Variants in AGBL4 observed in about 807,000 individuals in gnomAD.
AGBL4 encodes AGBL carboxypeptidase 4.
In AGBL4, 58 loss-of-function variants were observed where a neutral mutation model predicts 66.4. That is an observed-to-expected ratio of 0.87 (90% CI 0.71 to 1.09). The LOEUF is 1.09. AGBL4 is among the 50% of genes least tolerant of loss of function. AGBL4 has a pLI of 0.00. For missense variants in AGBL4, 579 were observed against 631.0 expected (o/e 0.92, Z 0.88); for synonymous variants, 234 against 222.9 (o/e 1.05, Z -0.44).
intron 3 of AGBL4, among the ~76,000 whole-genome samples, chr1:49,377,559 G>C (rs1644497862): frequency 6.6e-6 from 1 of 152,046 alleles, no homozygotes; most frequent in Non-Finnish European, 1.5e-5. Flanking sequence ...ACCATGAAGA[G>C]TCTGATATTT....
At chr1:49,847,021 C>T (rs2148053344) in intron 2 of AGBL4, among the ~76,000 whole-genome samples, 1 of 152,294 alleles carries the variant, frequency 6.6e-6, no homozygotes, top group South Asian at 2.1e-4. Flanking sequence ...TATCTGGCAT[C>T]AAATTACACA....
At chr1:49,282,609 T>C (rs955921643) in intron 3 of AGBL4, among the ~76,000 whole-genome samples, 9 of 152,066 alleles carry the variant, frequency 5.9e-5, no homozygotes, top group African/African-American at 1.7e-4. Context: ...ATCTGAGGTA[T>C]CGGGTTCATC....
intron 5 of AGBL4, among the ~76,000 whole-genome samples, chr1:49,000,724 TAG>T (rs1003784166): frequency 2.0e-5 from 3 of 152,210 alleles, no homozygotes; most frequent in African/African-American, 7.2e-5. Context: ...AAGACAACTC[TAG>T]AGTACCTGAA....
At chr1:48,962,812 G>A (rs6669448) in intron 5 of AGBL4, among the ~76,000 whole-genome samples, 26,083 of 151,686 alleles carry the variant, frequency 0.17, 4,435 homozygotes, top group African/African-American at 0.44. Context: ...TTGAGAATAT[G>A]ATTACTGATT....
At chr1:49,446,249 T>C (rs1570736471) in intron 3 of AGBL4, among the ~76,000 whole-genome samples, 1 of 152,248 alleles carries the variant, frequency 6.6e-6, no homozygotes, top group South Asian at 2.1e-4. Context: ...TCACATTTCC[T>C]TTTTCATGTT....
intron 5 of AGBL4, among the ~76,000 whole-genome samples, chr1:48,896,650 G>A (rs983870374): frequency 8.5e-6 from 1 of 117,050 alleles, no homozygotes; most frequent in African/African-American, 2.9e-5. Context: ...ATGGAGGCAG[G>A]GGATGCAATG....
intron 5 of AGBL4, among the ~76,000 whole-genome samples, chr1:49,015,339 CAG>C: frequency 1.3e-5 from 2 of 151,624 alleles, no homozygotes; most frequent in South Asian, 4.2e-4. Context: ...AAGAAACAAT[CAG>C]AAAGTGGCAA....
chr1:49,655,466 G>A (rs1006733951), intron 3 of AGBL4, among the ~76,000 whole-genome samples: 1 of 152,068 alleles, frequency 6.6e-6, no homozygotes, highest in Admixed American at 6.6e-5. Context: ...TGTATTTCCT[G>A]AATTTGAAGG....
chr1:49,891,443 T>G (rs1375379410), intron 1 of AGBL4, among the ~76,000 whole-genome samples: 1 of 152,012 alleles, frequency 6.6e-6, no homozygotes, highest in Non-Finnish European at 1.5e-5. Flanking sequence ...CTGTAGGAGG[T>G]GCTAGTGGCA....
chr1:49,062,446 C>T (rs1644420080), intron 4 of AGBL4, among the ~76,000 whole-genome samples: 1 of 152,174 alleles, frequency 6.6e-6, no homozygotes, highest in Non-Finnish European at 1.5e-5. Context: ...TATTTGTACA[C>T]CATGAATCCC....
chr1:48,756,263 G>C (rs1202931021), intron 6 of AGBL4, among the ~76,000 whole-genome samples: 1 of 152,220 alleles, frequency 6.6e-6, no homozygotes, highest in Non-Finnish European at 1.5e-5. Context: ...CAGCCTAAAA[G>C]TTGTTTCCTT....
intron 4 of AGBL4, among the ~76,000 whole-genome samples, chr1:49,180,496 TC>T (rs1392438109): frequency 6.6e-6 from 1 of 152,158 alleles, no homozygotes; most frequent in Non-Finnish European, 1.5e-5. Flanking sequence ...TAAATCATCT[TC>T]TGATAGTAAG....
intron 3 of AGBL4, among the ~76,000 whole-genome samples, chr1:49,412,419 C>T (rs1330273495): frequency 1.3e-5 from 2 of 152,224 alleles, no homozygotes; most frequent in Non-Finnish European, 2.9e-5. Flanking sequence ...ACTTAATCAC[C>T]TCCCAAAAGC....
chr1:49,912,201 A>T (rs1371814624), intron 1 of AGBL4, among the ~76,000 whole-genome samples: 1 of 152,120 alleles, frequency 6.6e-6, no homozygotes, highest in East Asian at 1.9e-4. Flanking sequence ...AAACTATCCC[A>T]TCTGTGCAGG....
chr1:49,845,955 T>C (rs1259170629), intron 2 of AGBL4: 12 of 1,539,376 alleles, frequency 7.8e-6, no homozygotes, highest in Admixed American at 3.4e-5. Flanking sequence ...AGCCACAGCT[T>C]GTCCCTCACC....
chr1:49,277,819 T>C (rs1570312664), intron 3 of AGBL4, among the ~76,000 whole-genome samples: 1 of 152,006 alleles, frequency 6.6e-6, no homozygotes, highest in South Asian at 2.1e-4. Context: ...TGCCCAAAGA[T>C]AGGCATTTTC....
At chr1:48,708,753 C>T (rs320051) in intron 6 of AGBL4, among the ~76,000 whole-genome samples, 129,449 of 152,206 alleles carry the variant, frequency 0.85, 57,138 homozygotes, top group East Asian at 0.97. Flanking sequence ...TGAGAGGTAA[C>T]CTGCCACCAC....
rs371028693 is a variant in AGBL4 at position 49,356,649 on chromosome 1, A to C, written c.283-110785T>G. Among the ~76,000 whole-genome samples, 85 of 152,332 alleles carry C rather than the reference A, an allele frequency of 5.6e-4. 2 individuals carry two copies. The South Asian group carries it at 0.015, about 28-fold the overall frequency. On this transcript the variant is annotated intron_variant, in intron 3 of 13. Transcript: ENST00000371839. ...CAGAGCAAAGTGACCTTGGTTATCA[A>C]AAATAAGAAGGCAACATCAGGATTG...
At chr1:48,546,234 T>G (rs1644156559) in intron 11 of AGBL4, among the ~76,000 whole-genome samples, 1 of 152,240 alleles carries the variant, frequency 6.6e-6, no homozygotes, top group Admixed American at 6.5e-5. Context: ...TTTACATAAC[T>G]AATTCAGAGT....
Sources: allele counts gnomAD v4.1 joint callset (sites outside exome capture counted in the v4.1 genomes callset), GRCh38; gene constraint gnomAD v4.1.1; transcripts MANE v1.5; gene names NCBI Gene and HGNC (gene_info 2026-07-23, HGNC 2026-07-21).